The following SCUBE2 variants were observed in gnomAD, a reference collection of about 807,000 sequenced individuals.
The protein encoded by SCUBE2 is signal peptide, CUB domain and EGF like domain containing 2.
A neutral mutation model predicts 125.9 loss-of-function variants in SCUBE2; 114 were observed. That is an observed-to-expected ratio of 0.91 (90% CI 0.78 to 1.06). The LOEUF (loss-of-function observed/expected upper bound fraction) is 1.06. Among genes scored for constraint, SCUBE2 ranks in the 50% least tolerant of loss-of-function variants. The pLI is 0.00. For synonymous variants in SCUBE2, 459 were observed against 492.9 expected, an observed-to-expected ratio of 0.93 and a Z score of 0.91; for missense variants, 1,255 against 1,301.8, an observed-to-expected ratio of 0.96 and a Z score of 0.55.
intron 16 of SCUBE2, among the ~76,000 whole-genome samples, chr11:9,035,950 G>A (rs929866225): frequency 6.6e-5 from 10 of 152,008 alleles, no homozygotes; most frequent in Non-Finnish European, 1.0e-4. Flanking sequence ...GTGCAATGGC[G>A]CGATCTCAGC....
At chr11:9,090,495 T>TATTTATTTA in intron 1 of SCUBE2, 1 of 149,954 alleles carries the variant, frequency 6.7e-6, no homozygotes, top group Non-Finnish European at 1.5e-5. Flanking sequence ...ATTTATTTTT[T>TATTTATTTA]TTTTTTGCTC....
At position 9,033,645 on chromosome 11, in the gene SCUBE2, C is replaced by G; in HGVS notation, c.2154G>C (p.Trp718Cys). 1 of 1,613,982 alleles carries G rather than the reference C, an allele frequency of 6.2e-7. No individual in the cohort carries two copies. Among genetic ancestry groups the G allele is most frequent in the Non-Finnish European group, 8.5e-7 (1 of 1,179,990 alleles). ...CCTTACCTCCACATTCAGACATATT[C>G]CAAGCTTCTGGGGTCTTCAGGGCCC... is the stretch of plus-strand genomic sequence containing the variant. ...NSGALKTPEA[W>C]NMSECGGLCQ... The change falls in exon 17 of 23, where the codon TGG becomes TGC. Residue 718 changes from tryptophan (W) to cysteine (C), a missense_variant. Trp to Cys is a radical substitution (Grantham distance 215). Transcript: ENST00000649792.
intron 19 of SCUBE2, 123 bp downstream of exon 19, chr11:9,029,761 C>T (rs529958191): frequency 3.8e-6 from 4 of 1,053,576 alleles, no homozygotes; most frequent in Non-Finnish European, 5.7e-6. Flanking sequence ...GTGAGCTGGG[C>T]TCATAACATC....
rs186851647 is a variant in SCUBE2, at chr11:9,070,546, G to A, written c.518-1051C>T. Among the ~76,000 whole-genome samples the A allele has an allele frequency of 3.0e-3, 455 of 152,310 alleles. 5 individuals are homozygous for A. Among genetic ancestry groups the A allele is most frequent in the African/African-American group, 0.01 (422 of 41,570 alleles). On this transcript the variant is annotated intron_variant, in intron 4 of 22. Coordinates refer to ENST00000649792, the MANE Select transcript of SCUBE2 (RefSeq NM_001367977.2). Reference sequence around the variant, plus strand: ...ATGTAACTCTAAAACATCTCTGAGAGTAGGGACTTGGTTGTCATTGGCTCT... The same window carrying A: ...ATGTAACTCTAAAACATCTCTGAGAATAGGGACTTGGTTGTCATTGGCTCT...
Position 9,021,908 on chromosome 11 carries a change from A to C in SCUBE2, c.2902T>G (p.Tyr968Asp). 1 of 1,613,960 alleles carries C rather than the reference A, an allele frequency of 6.2e-7. No individual in the cohort carries two copies. Among genetic ancestry groups the C allele is most frequent in the Non-Finnish European group, 8.5e-7 (1 of 1,179,824 alleles). Residue 968 changes from tyrosine to aspartate, a missense_variant, in exon 22 of 23, where the codon TAT (tyrosine) becomes GAT (aspartate). This residue lies in a region of SCUBE2 where 515 missense variants were observed against 515.7 expected (regional missense o/e 1.00). Coordinates refer to ENST00000649792, the MANE Select transcript of SCUBE2 (RefSeq NM_001367977.2). ...IEDIVRDGRLYASENHQEILK... is the reference protein window; with the variant it reads ...IEDIVRDGRLDASENHQEILK... Reference sequence around the variant, plus strand: ...ATTTCCTGATGGTTCTCAGATGCATAGAGCCTGCCATCTCGAACTATGTCT... The same window carrying C: ...ATTTCCTGATGGTTCTCAGATGCATCGAGCCTGCCATCTCGAACTATGTCT...
chr11:9,086,260 T>C (rs1361093218), intron 2 of SCUBE2, among the ~76,000 whole-genome samples: 1 of 152,332 alleles, frequency 6.6e-6, no homozygotes, highest in South Asian at 2.1e-4. Context: ...CTCACACATT[T>C]CTCCAACATT....
chr11:9,054,699 G>GTATATATATATATATATATATATATATA (rs1491160291), intron 10 of SCUBE2, among the ~76,000 whole-genome samples: 3 of 44,706 alleles, frequency 6.7e-5, no homozygotes, highest in South Asian at 1.2e-3. Context: ...CAAAGCACTA[G>GTATATATATATATATATATATATATATA]TGTATATATA....
intron 15 of SCUBE2, 94 bp from the exon 16 acceptor site, chr11:9,047,656 G>A (rs193272892): frequency 7.8e-7 from 1 of 1,286,354 alleles, no homozygotes; most frequent in Non-Finnish European, 1.1e-6. Flanking sequence ...AACACCCCGA[G>A]CTCCCTGTGG....
At position 9,052,771 on chromosome 11, in the gene SCUBE2, T is replaced by C; in HGVS notation, c.1509A>G (p.Gln503=). ...CCCCAAAAGCAGAGTCATTTGATTTTTGTTGTTTGTTCCTGAGAGGAGAGG... is the reference window on the plus strand; with the variant it reads ...CCCCAAAAGCAGAGTCATTTGATTTCTGTTGTTTGTTCCTGAGAGGAGAGG... ...GSSSPLRNKQ[Q]KSNDSAFGDV... The change falls in exon 13 of 23, where the codon CAA becomes CAG. Residue 503 remains glutamine, a synonymous_variant. Transcript: ENST00000649792. 1.3e-6 allele frequency: 2 copies of C among 1,537,058 alleles called. No individual in the cohort carries two copies.
chr11:9,036,316 G>A (rs1030705683), intron 16 of SCUBE2, among the ~76,000 whole-genome samples: 1 of 152,174 alleles, frequency 6.6e-6, no homozygotes, highest in Non-Finnish European at 1.5e-5. Flanking sequence ...CAGCCCTACT[G>A]GATAATGGTT....
In SCUBE2 at chr11:9,021,092, G is replaced by A. The variant is rs142344804; in HGVS notation, c.3040C>T (p.Arg1014Ter). ...SREMFPRSFI[R>*]LLRSKVSRFL... ...CTGGACACTTTGGAACGTAGCAATC[G>A]GATGAACGATCTTGGAAACATCTCT... Residue 1014 changes from arginine to a stop codon, truncating the protein, a stop_gained, in exon 23 of 23, where the codon CGA becomes TGA. Transcript: ENST00000649792. LOFTEE classifies it high-confidence loss of function. The A allele has an allele frequency of 1.3e-4, 204 of 1,613,690 alleles. No individual in the cohort carries two copies. The highest frequency in any genetic ancestry group is 1.6e-4 in the Non-Finnish European group (190 of 1,179,832).
intron 2 of SCUBE2, among the ~76,000 whole-genome samples, chr11:9,081,399 T>C (rs541586216): frequency 6.6e-6 from 1 of 152,056 alleles, no homozygotes; most frequent in Non-Finnish European, 1.5e-5. Flanking sequence ...TCTGACTCTA[T>C]GATTTTGACT....
intron 5 of SCUBE2, 92 bp downstream of exon 5, chr11:9,069,278 T>A (rs1860549585): frequency 1.3e-6 from 2 of 1,534,598 alleles, no homozygotes; most frequent in Non-Finnish European, 1.8e-6. Flanking sequence ...GCTGCAGCCG[T>A]GCCATGAGGT....
chr11:9,052,890 A>C, intron 12 of SCUBE2, 58 bp from the exon 13 acceptor site: 2 of 1,381,632 alleles, frequency 1.4e-6, no homozygotes, highest in South Asian at 2.5e-5. Flanking sequence ...CTATCCTGGT[A>C]GCAGCTAAAC....
chr11:9,027,638 G>A (rs1173879702), intron 19 of SCUBE2, 77 bp from the exon 20 acceptor site: 7 of 1,292,184 alleles, frequency 5.4e-6, no homozygotes, highest in East Asian at 4.8e-5. Context: ...GCCGAGCCCC[G>A]CAGCACCCCT....
At chr11:9,050,490 C>T (rs1858238845) in intron 14 of SCUBE2, 116 bp downstream of exon 14, 1 of 755,098 alleles carries the variant, frequency 1.3e-6, no homozygotes, top group Non-Finnish European at 2.4e-6. Context: ...GTTCCATCTG[C>T]AGTGTGCTTG....
rs559059926 is a variant in SCUBE2 at position 9,086,349 on chromosome 11, T to A, written c.256+3358A>T. Among the ~76,000 whole-genome samples the A allele has an allele frequency of 5.4e-4, 83 of 152,320 alleles. 1 individual carries two copies. The highest frequency in any genetic ancestry group is 3.4e-3 in the Middle Eastern group (1 of 294). On this transcript the variant is annotated intron_variant, in intron 2 of 22. Transcript: ENST00000649792. ...TGATCCTCATCCCTGAACTTAAATA[T>A]GAGTAGTGAAGCTGGCAATAATCAC... is the stretch of plus-strand genomic sequence containing the variant.
At chr11:9,032,916 T>A (rs1198323045) in intron 17 of SCUBE2, among the ~76,000 whole-genome samples, 1 of 152,094 alleles carries the variant, frequency 6.6e-6, no homozygotes, top group Non-Finnish European at 1.5e-5. Flanking sequence ...TGGAGTTATT[T>A]AGGTGGGAAA....
At chr11:9,062,622 A>T (rs1436605023) in intron 7 of SCUBE2, among the ~76,000 whole-genome samples, 3 of 152,248 alleles carry the variant, frequency 2.0e-5, no homozygotes, top group East Asian at 3.8e-4. Context: ...ACAGAAGAGG[A>T]GTTAAAATCT....
Sources: allele counts gnomAD v4.1 joint callset (sites outside exome capture counted in the v4.1 genomes callset), GRCh38; gene constraint gnomAD v4.1.1; regional missense constraint gnomAD v4.1.1; transcripts MANE v1.5; gene names NCBI Gene and HGNC (gene_info 2026-07-23, HGNC 2026-07-21).